MSRA: variants seen among roughly 807,000 people sequenced by gnomAD.
The protein encoded by MSRA is mitochondrial peptide methionine sulfoxide reductase.
In MSRA, 54 loss-of-function variants were observed where a neutral mutation model predicts 31.3. The observed-to-expected ratio is 1.73, with a 90% confidence interval of 1.39 to 2.17. The LOEUF is 2.17. MSRA is among the 30% of genes most tolerant of loss of function. The probability of loss-of-function intolerance (pLI) is 0.00; values close to 1 mark genes in which losing one functional copy is unlikely to be tolerated. For missense variants in MSRA, 507 were observed against 300.9 expected, an observed-to-expected ratio of 1.69 and a Z score of -5.07; for synonymous variants, 169 against 116.5, an observed-to-expected ratio of 1.45 and a Z score of -2.90.
chr8:10,087,825 A>C (rs1798646971), intron 1 of MSRA, among the ~76,000 whole-genome samples: 1 of 152,176 alleles, frequency 6.6e-6, no homozygotes, highest in African/African-American at 2.4e-5. Context: ...AGACATTTTA[A>C]ATTTATTTTA....
At chr8:10,121,325 T>C (rs925083006) in intron 1 of MSRA, among the ~76,000 whole-genome samples, 1 of 152,214 alleles carries the variant, frequency 6.6e-6, no homozygotes, top group Non-Finnish European at 1.5e-5. Flanking sequence ...GGAGAAGGAC[T>C]TGTGGGCAGC....
intron 1 of MSRA, among the ~76,000 whole-genome samples, chr8:10,096,677 G>T (rs1041525979): frequency 2.0e-5 from 3 of 152,084 alleles, no homozygotes; most frequent in Admixed American, 2.0e-4. Context: ...ATACTACCTG[G>T]TGTTTTACTT....
chr8:10,129,322 C>T (rs1399360472), intron 1 of MSRA, among the ~76,000 whole-genome samples: 2 of 152,082 alleles, frequency 1.3e-5, no homozygotes, highest in African/African-American at 4.8e-5. Flanking sequence ...AGGGTGAAAA[C>T]CTTTGGCTCT....
At chr8:10,128,935 TA>T (rs1801693921) in intron 1 of MSRA, among the ~76,000 whole-genome samples, 1 of 152,236 alleles carries the variant, frequency 6.6e-6, no homozygotes, top group Non-Finnish European at 1.5e-5. Flanking sequence ...GTCTCCTTGG[TA>T]AACTTGTACA....
chr8:10,408,971 A>G (rs151180324), intron 5 of MSRA, among the ~76,000 whole-genome samples: 1,605 of 152,268 alleles, frequency 0.011, 13 homozygotes, highest in South Asian at 0.028. Flanking sequence ...TCATCTGTTG[A>G]AGGATGTTTA....
chr8:10,330,870 C>T (rs1387085102), intron 5 of MSRA, among the ~76,000 whole-genome samples: 1 of 152,100 alleles, frequency 6.6e-6, no homozygotes, highest in Non-Finnish European at 1.5e-5. Flanking sequence ...ATATCTGTGT[C>T]CCCCCAAATT....
chr8:10,109,296 T>C (rs1800108614), intron 1 of MSRA, among the ~76,000 whole-genome samples: 1 of 152,168 alleles, frequency 6.6e-6, no homozygotes, highest in Non-Finnish European at 1.5e-5. Flanking sequence ...AGTACTAAGA[T>C]GCTAAAGAGC....
At chr8:10,057,171 T>C (rs1802419287) in intron 1 of MSRA, among the ~76,000 whole-genome samples, 1 of 152,140 alleles carries the variant, frequency 6.6e-6, no homozygotes, top group African/African-American at 2.4e-5. Context: ...GGGTGAGTGG[T>C]GAAAACTGAA....
chr8:10,222,667 G>A (rs1207436143), intron 2 of MSRA, among the ~76,000 whole-genome samples: 1 of 152,162 alleles, frequency 6.6e-6, no homozygotes, highest in Non-Finnish European at 1.5e-5. Flanking sequence ...AAGAAAGAAG[G>A]AAATCCTGTC....
chr8:10,192,589 T>C (rs921502755), intron 1 of MSRA, among the ~76,000 whole-genome samples: 1 of 152,220 alleles, frequency 6.6e-6, no homozygotes, highest in Non-Finnish European at 1.5e-5. Flanking sequence ...CAGTGATGAG[T>C]AGCACAATGT....
chr8:10,227,554 G>T (rs1423908516), intron 2 of MSRA, among the ~76,000 whole-genome samples: 1 of 152,128 alleles, frequency 6.6e-6, no homozygotes, highest in Non-Finnish European at 1.5e-5. Flanking sequence ...TACATACCTG[G>T]TACTCTTCAG....
At chr8:10,267,003 G>C (rs566731495) in intron 3 of MSRA, among the ~76,000 whole-genome samples, 36 of 152,292 alleles carry the variant, frequency 2.4e-4, no homozygotes, top group South Asian at 4.1e-4. Context: ...TTATATTCCT[G>C]ATTATATTCT....
intron 5 of MSRA, among the ~76,000 whole-genome samples, chr8:10,327,623 A>G (rs575654602): frequency 3.0e-4 from 45 of 152,264 alleles, no homozygotes; most frequent in African/African-American, 1.1e-3. Flanking sequence ...GGGAGGAAGA[A>G]GACAGTGTCA....
intron 3 of MSRA, among the ~76,000 whole-genome samples, chr8:10,273,541 G>A (rs1232262403): frequency 2.0e-5 from 3 of 152,156 alleles, no homozygotes; most frequent in African/African-American, 4.8e-5. Context: ...TAAGAGTCAT[G>A]TAAGTTTTAT....
chr8:10,216,337 G>T (rs1465022382), intron 2 of MSRA, among the ~76,000 whole-genome samples: 5 of 152,136 alleles, frequency 3.3e-5, no homozygotes, highest in African/African-American at 1.2e-4. Flanking sequence ...CATAAATTTG[G>T]CTCTATGTTT....
chr8:10,351,049 G>A (rs906939491), intron 5 of MSRA, among the ~76,000 whole-genome samples: 5 of 152,158 alleles, frequency 3.3e-5, no homozygotes, highest in Non-Finnish European at 4.4e-5. Flanking sequence ...AGAGAACCTC[G>A]TTTAAGCTGC....
intron 3 of MSRA, among the ~76,000 whole-genome samples, chr8:10,275,503 G>C (rs2129103396): frequency 6.6e-6 from 1 of 152,200 alleles, no homozygotes; most frequent in East Asian, 1.9e-4. Context: ...CATTTCCTCT[G>C]TACAGCCTCT....
intron 3 of MSRA, among the ~76,000 whole-genome samples, chr8:10,283,834 T>TACACACACACACACACACACAC (rs1481715144): frequency 2.6e-3 from 184 of 71,050 alleles, no homozygotes; most frequent in Non-Finnish European, 3.9e-3. Flanking sequence ...TATATATATA[T>TACACACACACACACACACACAC]ATACACACAC....
At chr8:10,387,324 AT>A (rs1008623805) in intron 5 of MSRA, among the ~76,000 whole-genome samples, 9 of 152,250 alleles carry the variant, frequency 5.9e-5, no homozygotes, top group Non-Finnish European at 7.4e-5. Flanking sequence ...GGTGAAGGGA[AT>A]TTTTTTCCCC....
Sources: gnomAD v4.1 joint callset for allele counts (sites outside exome capture counted in the v4.1 genomes callset) on GRCh38, gnomAD v4.1.1 for gene constraint, MANE v1.5 for transcripts, NCBI Gene and HGNC (gene_info 2026-07-23, HGNC 2026-07-21) for gene names.